The following ARID4A variants were observed in gnomAD, a reference collection of about 807,000 sequenced individuals.
The protein encoded by ARID4A is AT-rich interactive domain-containing protein 4A.
A neutral mutation model predicts 148.6 loss-of-function variants in ARID4A; 39 were observed. The observed-to-expected ratio is 0.26, with a 90% CI of 0.20 to 0.34. The LOEUF (loss-of-function observed/expected upper bound fraction) is 0.34. ARID4A is among the 10% of genes least tolerant of loss of function. The pLI is 1.00. For missense variants in ARID4A, 1,265 were observed against 1,449.1 expected, an observed-to-expected ratio of 0.87 and a Z score of 2.06; for synonymous variants, 475 against 481.2, an observed-to-expected ratio of 0.99 and a Z score of 0.17.
chr14:58,360,575 T>G (rs773961962), intron 18 of ARID4A, among the ~76,000 whole-genome samples: 5 of 152,232 alleles, frequency 3.3e-5, no homozygotes, highest in African/African-American at 4.8e-5. Context: ...GGAATAGTTG[T>G]ATAGTCTTCT....
intron 11 of ARID4A, among the ~76,000 whole-genome samples, chr14:58,332,239 G>A (rs573032418): frequency 1.4e-4 from 21 of 152,150 alleles, no homozygotes; most frequent in African/African-American, 4.8e-4. Flanking sequence ...AATTTTTAAA[G>A]ATAAGGAAGC....
chr14:58,345,138 C>G (rs1466171364), intron 12 of ARID4A, among the ~76,000 whole-genome samples: 1 of 152,192 alleles, frequency 6.6e-6, no homozygotes, highest in Non-Finnish European at 1.5e-5. Context: ...CTCTGCCTCC[C>G]AAAGTGCTGA....
At chr14:58,368,597 A>T (rs77259827) in intron 23 of ARID4A, among the ~76,000 whole-genome samples, 4 of 152,230 alleles carry the variant, frequency 2.6e-5, no homozygotes, top group Admixed American at 1.3e-4. Context: ...TAAAAAAAAA[A>T]TAGGACAAAA....
chr14:58,304,496 C>T (rs756441213), intron 3 of ARID4A, among the ~76,000 whole-genome samples: 1 of 152,136 alleles, frequency 6.6e-6, no homozygotes, highest in Non-Finnish European at 1.5e-5. Context: ...GTGCATATTA[C>T]GATTATTGCT....
chr14:58,353,516 TCTC>T, intron 16 of ARID4A, 139 bp from the exon 17 acceptor site: 5 of 686,468 alleles, frequency 7.3e-6, no homozygotes, highest in East Asian at 2.8e-5. Flanking sequence ...ATCTTCTCCT[TCTC>T]CTCCTTCTTC....
chr14:58,358,718 C>A lies in ARID4A; in HGVS notation c.1854-414C>A, dbSNP rs561237374. ...TGATAAAATAACTTGATAAAATAAC[C>A]TGAAACTGATCACCTTGCAAATTTG... On this transcript the variant is annotated intron_variant, in intron 17 of 23. Transcript: ENST00000355431. Among the ~76,000 whole-genome samples, 27 of 152,220 alleles carry A rather than the reference C, an allele frequency of 1.8e-4. No individual in the cohort carries two copies. In the South Asian group the frequency reaches 4.8e-3, roughly 27 times the overall value.
chr14:58,316,633 T>A (rs1038393803), intron 5 of ARID4A, among the ~76,000 whole-genome samples: 4 of 152,128 alleles, frequency 2.6e-5, no homozygotes, highest in African/African-American at 9.6e-5. Flanking sequence ...CAGGCTGGAG[T>A]GCAATGGCGC....
In ARID4A at chr14:58,336,489, G is replaced by A. The variant is rs150573590; in HGVS notation, c.906+6320G>A. Among the ~76,000 whole-genome samples, 729 of 152,316 alleles carry A rather than the reference G, an allele frequency of 4.8e-3. 8 individuals carry two copies. Among genetic ancestry groups the A allele is most frequent in the African/African-American group, 0.017 (704 of 41,554 alleles). On this transcript the variant is annotated intron_variant, in intron 11 of 23. Coordinates refer to ENST00000355431, the MANE Select transcript of ARID4A (RefSeq NM_002892.4). Reference sequence around the variant, plus strand: ...CTTTTCACTTTAAGTTAAACGTGAAGTTTAACTGAAGTTTAAAATTTTAAG... The same window carrying A: ...CTTTTCACTTTAAGTTAAACGTGAAATTTAACTGAAGTTTAAAATTTTAAG...
At chr14:58,358,141 C>T (rs1271518612) in intron 17 of ARID4A, among the ~76,000 whole-genome samples, 7 of 152,058 alleles carry the variant, frequency 4.6e-5, no homozygotes, top group Admixed American at 2.0e-4. Context: ...GATCATGCCT[C>T]TGCACTCCAT....
At chr14:58,310,505 GAGCACA>G (rs1416909306) in intron 5 of ARID4A, among the ~76,000 whole-genome samples, 1 of 152,110 alleles carries the variant, frequency 6.6e-6, no homozygotes, top group Non-Finnish European at 1.5e-5. Context: ...AGGGTGCCAG[GAGCACA>G]TACTGGGGAA....
chr14:58,346,975 A>AAAAAAAAT, intron 13 of ARID4A, 45 bp from the exon 14 acceptor site: 1 of 296,152 alleles, frequency 3.4e-6, no homozygotes, highest in Non-Finnish European at 6.1e-6. Context: ...AAAAAAAAAG[A>AAAAAAAAT]TTAATTCCCT....
chr14:58,363,931 A>T (rs1056717115), intron 19 of ARID4A, among the ~76,000 whole-genome samples: 2 of 152,134 alleles, frequency 1.3e-5, no homozygotes, highest in Non-Finnish European at 2.9e-5. Flanking sequence ...ATAGCTTTTC[A>T]TATAGATTTG....
chr14:58,299,047 G>A (rs201478575), intron 1 of ARID4A, among the ~76,000 whole-genome samples: 1 of 152,228 alleles, frequency 6.6e-6, no homozygotes, highest in Non-Finnish European at 1.5e-5. Flanking sequence ...TGCGGAGTCC[G>A]TGGCAGGACT....
chr14:58,300,421 G>C (rs913566262), intron 2 of ARID4A, among the ~76,000 whole-genome samples: 1 of 152,148 alleles, frequency 6.6e-6, no homozygotes, highest in Non-Finnish European at 1.5e-5. Flanking sequence ...TCAGTATGTG[G>C]ATGGTTAAAG....
At chr14:58,367,935 C>T (rs2035428131) in intron 23 of ARID4A, among the ~76,000 whole-genome samples, 1 of 152,006 alleles carries the variant, frequency 6.6e-6, no homozygotes, top group South Asian at 2.1e-4. Flanking sequence ...AAGAAGCAAG[C>T]CAATTAATAC....
At chr14:58,329,499 GT>G (rs1333361013) in intron 9 of ARID4A, 28 bp from the exon 10 acceptor site, 7 of 1,421,194 alleles carry the variant, frequency 4.9e-6, no homozygotes, top group Non-Finnish European at 6.9e-6. Flanking sequence ...TGAATAAATT[GT>G]TTTCCTCCCC....
chr14:58,359,233 A>G lies in ARID4A; in HGVS notation c.1938+17A>G, dbSNP rs769457878. The stretch of plus-strand genomic sequence containing the variant: ...AAAGCTAAAGTATGTTTGTAGATTT[A>G]TGTCCTTTATAATATGTATAGGAAT... On this transcript the variant is annotated intron_variant, in intron 18 of 23. Coordinates refer to ENST00000355431, the MANE Select transcript of ARID4A (RefSeq NM_002892.4). 8 of 1,567,150 alleles carry G rather than the reference A, an allele frequency of 5.1e-6. No homozygotes were observed. Among genetic ancestry groups the G allele is most frequent in the East Asian group, 4.5e-5 (2 of 44,410 alleles).
chr14:58,309,673 T>C (rs2031872726), intron 5 of ARID4A, among the ~76,000 whole-genome samples: 2 of 152,164 alleles, frequency 1.3e-5, no homozygotes, highest in African/African-American at 2.4e-5. Context: ...TAAGGAAAAG[T>C]TAAAGGATAG....
chr14:58,310,265 T>C (rs2031924105), intron 5 of ARID4A, among the ~76,000 whole-genome samples: 2 of 152,204 alleles, frequency 1.3e-5, no homozygotes, highest in Middle Eastern at 6.8e-3. Flanking sequence ...GCTGAGGGAC[T>C]TCTATAGTTA....
Sources: allele counts gnomAD v4.1 joint callset (sites outside exome capture counted in the v4.1 genomes callset), GRCh38; gene constraint gnomAD v4.1.1; transcripts MANE v1.5; gene names NCBI Gene and HGNC (gene_info 2026-07-23, HGNC 2026-07-21).